RAI14: variants seen among roughly 807,000 people sequenced by gnomAD.
The protein encoded by RAI14 is retinoic acid induced 14, also known as ankycorbin.
A neutral mutation model predicts 115.4 loss-of-function variants in RAI14; 45 were observed. The observed-to-expected ratio is 0.39, with a 90% confidence interval of 0.31 to 0.50. The LOEUF is 0.50. Among genes scored for constraint, RAI14 ranks in the 20% least tolerant of loss-of-function variants. RAI14 has a pLI of 0.85. For synonymous variants in RAI14, 371 were observed against 415.4 expected (o/e 0.89, Z 1.30); for missense variants, 939 against 1,131.2 (o/e 0.83, Z 2.44).
At chr5:34,801,939 C>T (rs536655165) in intron 4 of RAI14, among the ~76,000 whole-genome samples, 15 of 152,120 alleles carry the variant, frequency 9.9e-5, no homozygotes, top group Non-Finnish European at 1.9e-4. Flanking sequence ...TGGCATACAC[C>T]TGTGGTCCCA....
chr5:34,824,946 C>CAAAAAAAAAAAAAAAAAAAA (rs1174399473), intron 15 of RAI14, among the ~76,000 whole-genome samples: 1 of 66,564 alleles, frequency 1.5e-5, no homozygotes, highest in Non-Finnish European at 2.8e-5. Context: ...GACTTCATCT[C>CAAAAAAAAAAAAAAAAAAAA]AAAAAAAAAA....
chr5:34,716,955 A>AT (rs1742074067), intron 2 of RAI14: 2 of 152,140 alleles, frequency 1.3e-5, no homozygotes, highest in Non-Finnish European at 2.9e-5. Flanking sequence ...CTCACAATGT[A>AT]TTTTTTGTAA....
At chr5:34,797,710 G>T (rs1021185904) in intron 4 of RAI14, among the ~76,000 whole-genome samples, 1 of 152,140 alleles carries the variant, frequency 6.6e-6, no homozygotes. Flanking sequence ...TTAAACTCAA[G>T]ACCCAATTAT....
At chr5:34,776,777 A>T (rs11746084) in intron 3 of RAI14, among the ~76,000 whole-genome samples, 12,126 of 115,968 alleles carry the variant, frequency 0.1, 650 homozygotes, top group Middle Eastern at 0.2. Context: ...ACTGCACTCC[A>T]GCCTGGGTGA....
At chr5:34,750,978 G>A (rs144951524) in intron 2 of RAI14, among the ~76,000 whole-genome samples, 8,183 of 147,298 alleles carry the variant, frequency 0.056, 316 homozygotes, top group Non-Finnish European at 0.076. Flanking sequence ...TCAGCATCCC[G>A]AGTAGCGGGG....
chr5:34,782,281 T>C (rs1371919391), intron 3 of RAI14, among the ~76,000 whole-genome samples: 1 of 152,086 alleles, frequency 6.6e-6, no homozygotes, highest in Non-Finnish European at 1.5e-5. Flanking sequence ...CTTGTCTTTT[T>C]TTCTTTTTTT....
intron 3 of RAI14, among the ~76,000 whole-genome samples, chr5:34,786,087 T>C (rs1752258231): frequency 6.6e-6 from 1 of 152,170 alleles, no homozygotes; most frequent in Non-Finnish European, 1.5e-5. Context: ...GGACAGACAT[T>C]GTAAGGGGTG....
chr5:34,750,421 G>T (rs1746823638), intron 2 of RAI14, among the ~76,000 whole-genome samples: 1 of 152,070 alleles, frequency 6.6e-6, no homozygotes, highest in Admixed American at 6.6e-5. Flanking sequence ...TTCTCCAGGG[G>T]GTCCATGAGG....
At chr5:34,702,201 G>T (rs144697814) in intron 2 of RAI14, among the ~76,000 whole-genome samples, 1 of 152,320 alleles carries the variant, frequency 6.6e-6, no homozygotes. Flanking sequence ...TTGTCAGAAA[G>T]ACTCTAGACA....
At chr5:34,750,042 G>A (rs1375868102) in intron 2 of RAI14, among the ~76,000 whole-genome samples, 3 of 152,136 alleles carry the variant, frequency 2.0e-5, no homozygotes, top group Non-Finnish European at 4.4e-5. Context: ...TAGAACATTA[G>A]TCAAGAAGGA....
At chr5:34,657,301 T>TCCA (rs893848994) in intron 1 of RAI14, 2 of 41,426 alleles carry the variant, frequency 4.8e-5, no homozygotes, top group Non-Finnish European at 1.4e-4. Flanking sequence ...CAGGTTGGTG[T>TCCA]CGGTTTAGTT....
chr5:34,735,844 C>G (rs975347894), intron 2 of RAI14, among the ~76,000 whole-genome samples: 2 of 152,178 alleles, frequency 1.3e-5, no homozygotes, highest in African/African-American at 2.4e-5. Flanking sequence ...TTTGTCTGTA[C>G]AATTCCAGTA....
chr5:34,734,012 G>C (rs1051001817), intron 2 of RAI14, among the ~76,000 whole-genome samples: 1 of 152,198 alleles, frequency 6.6e-6, no homozygotes, highest in Admixed American at 6.5e-5. Context: ...GCTCCCAGCT[G>C]GGGGTACATA....
intron 2 of RAI14, among the ~76,000 whole-genome samples, chr5:34,696,106 C>T (rs778500090): frequency 2.0e-5 from 3 of 152,066 alleles, no homozygotes; most frequent in African/African-American, 4.8e-5. Context: ...GGGAGTGAGC[C>T]ACCACACCCA....
intron 15 of RAI14, 145 bp downstream of exon 15, chr5:34,824,636 C>A: frequency 1.4e-6 from 1 of 700,838 alleles, no homozygotes; most frequent in Non-Finnish European, 2.2e-6. Context: ...GTCACCAAAG[C>A]CACATTAAGA....
At chr5:34,716,830 C>G (rs1465655007) in intron 2 of RAI14, 1 of 152,172 alleles carries the variant, frequency 6.6e-6, no homozygotes, top group Non-Finnish European at 1.5e-5. Context: ...CCTGGTTAGG[C>G]CAGAAATCCA....
At chr5:34,663,209 A>G (rs112433780) in intron 1 of RAI14, among the ~76,000 whole-genome samples, 2 of 152,288 alleles carry the variant, frequency 1.3e-5, no homozygotes, top group African/African-American at 4.8e-5. Flanking sequence ...AGCAAATCTA[A>G]TCAGTATTTT....
chr5:34,694,685 A>G (rs558302503), intron 2 of RAI14, among the ~76,000 whole-genome samples: 1 of 152,328 alleles, frequency 6.6e-6, no homozygotes, highest in Admixed American at 6.5e-5. Context: ...GCTGCCCAGT[A>G]GGCTGGTTAG....
At chr5:34,741,885 C>A (rs901448354) in intron 2 of RAI14, among the ~76,000 whole-genome samples, 2 of 152,140 alleles carry the variant, frequency 1.3e-5, no homozygotes, top group Non-Finnish European at 2.9e-5. Flanking sequence ...AAACAATGAT[C>A]AGTGTCAGAA....
Sources: allele counts gnomAD v4.1 joint callset (sites outside exome capture counted in the v4.1 genomes callset), GRCh38; gene constraint gnomAD v4.1.1; transcripts MANE v1.5; gene names NCBI Gene and HGNC (gene_info 2026-07-23, HGNC 2026-07-21).